The following ROBO1 variants were observed in gnomAD, a reference collection of about 807,000 sequenced individuals.
ROBO1 encodes the protein roundabout guidance receptor 1.
Under a neutral mutation model 195.9 loss-of-function variants are expected in ROBO1, and 149 were observed. The ratio of observed to expected loss-of-function variants is 0.76; its 90% CI spans 0.67 to 0.87. ROBO1 has a LOEUF of 0.87. Among genes scored for constraint, ROBO1 ranks in the 40% least tolerant of loss-of-function variants. The probability of loss-of-function intolerance (pLI) is 0.00; values close to 1 mark genes in which losing one functional copy is unlikely to be tolerated. For synonymous variants in ROBO1, 816 were observed against 733.2 expected (o/e 1.11, Z -1.82); for missense variants, 1,933 against 2,068.3 (o/e 0.93, Z 1.27).
At chr3:79,591,062 A>G (rs533054981) in intron 1 of ROBO1, among the ~76,000 whole-genome samples, 9 of 151,928 alleles carry the variant, frequency 5.9e-5, no homozygotes, top group African/African-American at 2.2e-4. Flanking sequence ...GGAATAGACA[A>G]TAGACTTGGC....
At chr3:79,590,013 C>G (rs1943949525) in intron 1 of ROBO1, 52 bp from the exon 2 acceptor site, 3 of 755,570 alleles carry the variant, frequency 4.0e-6, no homozygotes. Context: ...TGCTGAGAAA[C>G]AATTATTTTG....
At chr3:78,764,303 T>A (rs965482011) in intron 4 of ROBO1, among the ~76,000 whole-genome samples, 1 of 152,152 alleles carries the variant, frequency 6.6e-6, no homozygotes, top group African/African-American at 2.4e-5. Context: ...CTGAGTCCAG[T>A]TAGGTTAAAT....
chr3:79,531,851 TA>T (rs780023915), intron 2 of ROBO1, among the ~76,000 whole-genome samples: 1 of 100,238 alleles, frequency 1.0e-5, no homozygotes, highest in African/African-American at 3.7e-5. Context: ...GTCCGAATCA[TA>T]GTATGAATTT....
chr3:79,162,048 A>AT lies in ROBO1; in HGVS notation c.89-36510dup, dbSNP rs995864842. Reference sequence around the variant, plus strand: ...TTCTTTCCTTCCTCCTCTCAAGTTCATTTTTTTTTCTACTGTTTTGAATCA... The same window carrying AT: ...TTCTTTCCTTCCTCCTCTCAAGTTCATTTTTTTTTTCTACTGTTTTGAATCA... On this transcript the variant is annotated intron_variant, in intron 2 of 30. Transcript: ENST00000464233. 1.7e-4 allele frequency among the ~76,000 whole-genome samples: 26 copies of AT among 151,206 alleles called. No homozygotes were observed. The East Asian group carries it at 1.8e-3, about 10-fold the overall frequency.
chr3:78,663,193 G>A (rs761529828), intron 14 of ROBO1, among the ~76,000 whole-genome samples: 2 of 151,570 alleles, frequency 1.3e-5, no homozygotes. Flanking sequence ...GAATGAGATC[G>A]CTAAGTATCT....
chr3:78,875,978 T>C (rs1285566996), intron 4 of ROBO1, among the ~76,000 whole-genome samples: 1 of 152,090 alleles, frequency 6.6e-6, no homozygotes, highest in Non-Finnish European at 1.5e-5. Flanking sequence ...AATCAGGGCT[T>C]ACTTAATGAA....
intron 2 of ROBO1, among the ~76,000 whole-genome samples, chr3:79,258,617 A>G (rs552549885): frequency 3.3e-5 from 5 of 152,308 alleles, no homozygotes; most frequent in Admixed American, 2.6e-4. Flanking sequence ...ACAGGCCTTC[A>G]GTGTGAATTT....
chr3:78,859,415 G>A (rs1397116765), intron 4 of ROBO1, among the ~76,000 whole-genome samples: 2 of 152,216 alleles, frequency 1.3e-5, no homozygotes, highest in African/African-American at 2.4e-5. Flanking sequence ...TAGGCTGCAC[G>A]TAGGCACTCA....
chr3:79,143,064 CAAAT>C (rs924230322), intron 2 of ROBO1, among the ~76,000 whole-genome samples: 7 of 151,956 alleles, frequency 4.6e-5, no homozygotes, highest in African/African-American at 1.4e-4. Flanking sequence ...GTATTTTTAA[CAAAT>C]GAATGGTCAG....
intron 2 of ROBO1, among the ~76,000 whole-genome samples, chr3:79,202,087 C>T (rs17016815): frequency 0.088 from 13,358 of 151,796 alleles, 1,014 homozygotes; most frequent in African/African-American, 0.2. Context: ...CAAGTCTGGG[C>T]GGCAGCCCTC....
intron 1 of ROBO1, among the ~76,000 whole-genome samples, chr3:79,735,895 A>C (rs1229510478): frequency 8.5e-5 from 13 of 152,066 alleles, no homozygotes; most frequent in African/African-American, 3.1e-4. Flanking sequence ...AACAAAAAAA[A>C]AACAAAAAAT....
chr3:79,218,834 T>C (rs1167661063), intron 2 of ROBO1, among the ~76,000 whole-genome samples: 1 of 151,926 alleles, frequency 6.6e-6, no homozygotes, highest in Non-Finnish European at 1.5e-5. Context: ...AAGGCCCAAA[T>C]CTATTTCATT....
At chr3:78,675,244 A>C (rs1218339004) in intron 10 of ROBO1, among the ~76,000 whole-genome samples, 2 of 151,810 alleles carry the variant, frequency 1.3e-5, no homozygotes, top group Non-Finnish European at 2.9e-5. Flanking sequence ...AGCGACGCAG[A>C]AGATGGGTGA....
chr3:78,785,717 T>A (rs1245776802), intron 4 of ROBO1, among the ~76,000 whole-genome samples: 4 of 152,208 alleles, frequency 2.6e-5, no homozygotes, highest in Admixed American at 1.3e-4. Flanking sequence ...TAGTAATTCC[T>A]ACATCTGTCC....
chr3:78,671,310 T>C lies in ROBO1; in HGVS notation c.1343-1009A>G, dbSNP rs899908654. Among the ~76,000 whole-genome samples the C allele has an allele frequency of 6.6e-5, 10 of 152,220 alleles. No individual in the cohort carries two copies. In the East Asian group the frequency reaches 1.9e-3, roughly 29 times the overall value. On this transcript the variant is annotated intron_variant, in intron 10 of 30. Coordinates refer to ENST00000464233, the MANE Select transcript of ROBO1 (RefSeq NM_002941.4). ...ATGAAACTCTATAGTTTTTTTTTAA[T>C]GACTTAAAAACCAAATTTCAGAAAT...
At chr3:79,710,378 A>T (rs941486445) in intron 1 of ROBO1, among the ~76,000 whole-genome samples, 3 of 94,748 alleles carry the variant, frequency 3.2e-5, no homozygotes, top group African/African-American at 1.3e-4. Flanking sequence ...AGGACCTGTC[A>T]CACACGAATA....
At chr3:79,035,024 A>T (rs1279649136) in intron 3 of ROBO1, among the ~76,000 whole-genome samples, 1 of 152,144 alleles carries the variant, frequency 6.6e-6, no homozygotes, top group Non-Finnish European at 1.5e-5. Flanking sequence ...AAAAATAAGA[A>T]AGATACAATA....
intron 2 of ROBO1, among the ~76,000 whole-genome samples, chr3:79,321,971 T>A (rs1209737312): frequency 6.6e-6 from 1 of 152,194 alleles, no homozygotes; most frequent in East Asian, 1.9e-4. Context: ...AATTTCTGAT[T>A]CAGCATAATT....
At chr3:79,192,584 C>T (rs1288136604) in intron 2 of ROBO1, among the ~76,000 whole-genome samples, 4 of 151,312 alleles carry the variant, frequency 2.6e-5, no homozygotes, top group East Asian at 3.9e-4. Context: ...GTGTTTTAGG[C>T]GGTGGGTGTG....
Sources: allele counts gnomAD v4.1 joint callset (sites outside exome capture counted in the v4.1 genomes callset), GRCh38; gene constraint gnomAD v4.1.1; transcripts MANE v1.5; gene names NCBI Gene and HGNC (gene_info 2026-07-23, HGNC 2026-07-21).